CDK14: variants seen among roughly 807,000 people sequenced by gnomAD.
CDK14 encodes the protein cyclin-dependent kinase 14.
A neutral mutation model predicts 60.7 loss-of-function variants in CDK14; 34 were observed. The ratio of observed to expected loss-of-function variants is 0.56; its 90% CI spans 0.43 to 0.75. The LOEUF (loss-of-function observed/expected upper bound fraction) is 0.75. Among genes scored for constraint, CDK14 ranks in the 30% least tolerant of loss-of-function variants. CDK14 has a pLI of 0.00. For synonymous variants in CDK14, 197 were observed against 203.7 expected (o/e 0.97, Z 0.28); for missense variants, 482 against 564.1 (o/e 0.85, Z 1.47).
At chr7:90,950,091 T>A (rs1794209433) in intron 8 of CDK14, among the ~76,000 whole-genome samples, 2 of 149,244 alleles carry the variant, frequency 1.3e-5, no homozygotes, top group African/African-American at 5.2e-5. Context: ...TTAATTTTTG[T>A]TTTTATTTTT....
intron 5 of CDK14, among the ~76,000 whole-genome samples, chr7:90,839,129 G>A (rs568172342): frequency 1.3e-5 from 2 of 152,184 alleles, no homozygotes; most frequent in African/African-American, 2.4e-5. Flanking sequence ...AAGAACCTAT[G>A]TTGAAATATT....
chr7:91,018,677 T>G (rs1050718540), intron 10 of CDK14, among the ~76,000 whole-genome samples: 3 of 152,134 alleles, frequency 2.0e-5, no homozygotes. Context: ...AGTGAGTGAA[T>G]TCTCCCAAAA....
chr7:90,780,411 TTTTTATTTTTA>T (rs1805260067), intron 4 of CDK14, among the ~76,000 whole-genome samples: 1 of 151,372 alleles, frequency 6.6e-6, no homozygotes, highest in Non-Finnish European at 1.5e-5. Context: ...TATTTATTTA[TTTTTATTTTTA>T]TTTTATTTTA....
intron 10 of CDK14, among the ~76,000 whole-genome samples, chr7:91,035,887 A>ACTGCGGACTGCAGTGGCGCAAT (rs1434795389): frequency 8.3e-6 from 1 of 121,052 alleles, no homozygotes; most frequent in Non-Finnish European, 1.6e-5. Flanking sequence ...CCCAGGCCGG[A>ACTGCGGACTGCAGTGGCGCAAT]CTGCGGACTG....
chr7:90,618,956 A>G (rs1799709788), intron 2 of CDK14, among the ~76,000 whole-genome samples: 1 of 152,114 alleles, frequency 6.6e-6, no homozygotes, highest in African/African-American at 2.4e-5. Context: ...ATCTCAAGAG[A>G]GCAGAATCAG....
intron 5 of CDK14, among the ~76,000 whole-genome samples, chr7:90,834,774 A>C (rs1790035865): frequency 6.6e-6 from 1 of 152,138 alleles, no homozygotes; most frequent in African/African-American, 2.4e-5. Flanking sequence ...GGAATGTATT[A>C]TTTTATGGGA....
intron 11 of CDK14, among the ~76,000 whole-genome samples, chr7:91,079,071 G>A (rs1798407974): frequency 6.6e-6 from 1 of 152,144 alleles, no homozygotes; most frequent in African/African-American, 2.4e-5. Flanking sequence ...AAAACAGCAA[G>A]TCTCACTTGA....
At chr7:91,041,970 A>G (rs1797104675) in intron 10 of CDK14, among the ~76,000 whole-genome samples, 1 of 152,218 alleles carries the variant, frequency 6.6e-6, no homozygotes, top group African/African-American at 2.4e-5. Flanking sequence ...GCGTAGACAG[A>G]TGAGTAATCT....
At chr7:90,598,608 C>G (rs1338163404) in intron 1 of CDK14, among the ~76,000 whole-genome samples, 4 of 151,718 alleles carry the variant, frequency 2.6e-5, no homozygotes, top group South Asian at 2.1e-4. Context: ...TTCAAAGTAG[C>G]ATTACAGAAA....
chr7:91,164,422 A>G (rs1189222390), intron 14 of CDK14, among the ~76,000 whole-genome samples: 1 of 152,206 alleles, frequency 6.6e-6, no homozygotes, highest in East Asian at 1.9e-4. Context: ...CATTTACCAC[A>G]TGAGGCTACC....
At chr7:90,818,917 T>TAA (rs1477719871) in intron 5 of CDK14, among the ~76,000 whole-genome samples, 1 of 151,730 alleles carries the variant, frequency 6.6e-6, no homozygotes, top group Non-Finnish European at 1.5e-5. Context: ...TGTATATATA[T>TAA]ATAATTTGTT....
At chr7:91,016,508 A>G (rs1426329117) in intron 10 of CDK14, among the ~76,000 whole-genome samples, 1 of 152,316 alleles carries the variant, frequency 6.6e-6, no homozygotes, top group South Asian at 2.1e-4. Context: ...CAGCTAGACT[A>G]TCAACCTCTT....
chr7:91,042,194 G>A (rs1797111177), intron 10 of CDK14, among the ~76,000 whole-genome samples: 1 of 152,090 alleles, frequency 6.6e-6, no homozygotes, highest in Non-Finnish European at 1.5e-5. Context: ...GAAGACACGG[G>A]GGCTGAGCAT....
At chr7:90,859,431 A>T (rs996083111) in intron 5 of CDK14, among the ~76,000 whole-genome samples, 1 of 152,168 alleles carries the variant, frequency 6.6e-6, no homozygotes, top group Non-Finnish European at 1.5e-5. Flanking sequence ...GCCTTCTCTG[A>T]TGACTGTCCA....
At chr7:90,885,242 A>G (rs1216745798) in intron 6 of CDK14, among the ~76,000 whole-genome samples, 1 of 152,210 alleles carries the variant, frequency 6.6e-6, no homozygotes, top group East Asian at 1.9e-4. Context: ...ATTTACAGTA[A>G]AAAGACAACC....
At chr7:91,045,551 G>A (rs1797208419) in intron 10 of CDK14, among the ~76,000 whole-genome samples, 1 of 152,128 alleles carries the variant, frequency 6.6e-6, no homozygotes, top group Admixed American at 6.6e-5. Flanking sequence ...AAAGACAAAA[G>A]CTCATGAAAG....
intron 11 of CDK14, among the ~76,000 whole-genome samples, chr7:91,063,392 T>C (rs1267915316): frequency 1.3e-5 from 2 of 152,248 alleles, no homozygotes; most frequent in Non-Finnish European, 2.9e-5. Context: ...CTACTAATTA[T>C]TCGCTCCGGC....
intron 8 of CDK14, among the ~76,000 whole-genome samples, chr7:90,952,049 G>A (rs1794279245): frequency 6.6e-6 from 1 of 151,920 alleles, no homozygotes; most frequent in South Asian, 2.1e-4. Flanking sequence ...AGCATTTAAG[G>A]GGCAAAAAGG....
chr7:90,712,860 T>A (rs1381377736), intron 2 of CDK14, among the ~76,000 whole-genome samples: 1 of 152,080 alleles, frequency 6.6e-6, no homozygotes, highest in Non-Finnish European at 1.5e-5. Flanking sequence ...CAAAGACTGA[T>A]CATGTTGAGG....
Sources: gnomAD v4.1 joint callset for allele counts (sites outside exome capture counted in the v4.1 genomes callset) on GRCh38, gnomAD v4.1.1 for gene constraint, MANE v1.5 for transcripts, NCBI Gene and HGNC (gene_info 2026-07-23, HGNC 2026-07-21) for gene names.